The following PSAP variants were observed in gnomAD, a reference collection of about 807,000 sequenced individuals.
PSAP encodes the protein prosaposin.
In PSAP, 25 loss-of-function variants were observed where a neutral mutation model predicts 66.0. The observed-to-expected ratio is 0.38, with a 90% CI of 0.28 to 0.53. The LOEUF (loss-of-function observed/expected upper bound fraction) is 0.53, where lower values mean the gene tolerates loss of function less well. PSAP is among the 20% of genes least tolerant of loss of function. The probability of loss-of-function intolerance (pLI) is 0.83; values close to 1 mark genes in which losing one functional copy is unlikely to be tolerated. For missense variants in PSAP, 649 were observed against 668.8 expected (o/e 0.97, Z 0.33); for synonymous variants, 273 against 258.9 (o/e 1.05, Z -0.52).
At chr10:71,829,124 A>G (rs1842461488) in intron 4 of PSAP, 47 bp from the exon 5 acceptor site, 1 of 1,557,048 alleles carries the variant, frequency 6.4e-7, no homozygotes, top group Non-Finnish European at 8.8e-7. Flanking sequence ...TCCCCAGGGG[A>G]AAATAAGACA....
At chr10:71,831,825 T>A in intron 3 of PSAP, 21 bp downstream of exon 3, 1 of 1,612,806 alleles carries the variant, frequency 6.2e-7, no homozygotes, top group South Asian at 1.1e-5. Context: ...TCAAGCACCA[T>A]CCCCACTCAC....
chr10:71,821,864 G>A lies in PSAP; in HGVS notation c.909+12C>T, dbSNP rs1842305841. On this transcript the variant is annotated intron_variant, in intron 8 of 13. Transcript: ENST00000394936. ...CACAGCCCTGACCAGGACACAAAGT[G>A]ACACCAGGTACCTTAATGGGCTCCA... 1.2e-6 allele frequency: 2 copies of A among 1,614,152 alleles called. No individual in the cohort carries two copies. Among genetic ancestry groups the A allele is most frequent in the Non-Finnish European group, 8.5e-7 (1 of 1,180,012 alleles).
At chr10:71,830,258 A>C (rs1190726348) in intron 4 of PSAP, among the ~76,000 whole-genome samples, 1 of 152,076 alleles carries the variant, frequency 6.6e-6, no homozygotes, top group Non-Finnish European at 1.5e-5. Context: ...AACCAGGGAG[A>C]CATTTATAGC....
At chr10:71,843,237 T>G (rs1842760345) in intron 1 of PSAP, among the ~76,000 whole-genome samples, 1 of 151,838 alleles carries the variant, frequency 6.6e-6, no homozygotes, top group Admixed American at 6.6e-5. Context: ...GAATTCAAAA[T>G]GGAAAATCTC....
rs144042454 is a variant in PSAP at position 71,819,519 on chromosome 10, G to C, written c.1296C>G (p.Ile432Met). 6.2e-6 allele frequency: 10 copies of C among 1,614,218 alleles called. No individual in the cohort carries two copies. The Admixed American group carries it at 1.5e-4, about 24-fold the overall frequency. ...TGCAGCCTTTCTCAAGAGCAGCCAG[G>C]ATCTCCTGCTTGGTGCTGTTTTTCT... The part of the protein sequence containing the change: ...NLEKNSTKQE[I>M]LAALEKGCSF... The change falls in exon 11 of 14, where the codon ATC (isoleucine) becomes ATG (methionine). Residue 432 changes from isoleucine (I) to methionine (M), a missense_variant. Physicochemically the swap from Ile to Met is conservative, Grantham distance 10. Transcript: ENST00000394936.
At chr10:71,818,487 G>C (rs1842220797) in intron 13 of PSAP, 130 bp downstream of exon 13, 1 of 862,512 alleles carries the variant, frequency 1.2e-6, no homozygotes, top group Non-Finnish European at 2.0e-6. Context: ...CCACCTCTCT[G>C]GGCCTCAGCT....
chr10:71,838,724 C>A (rs910367654), intron 1 of PSAP, among the ~76,000 whole-genome samples: 2 of 152,120 alleles, frequency 1.3e-5, no homozygotes, highest in African/African-American at 4.8e-5. Flanking sequence ...CCACTGCACT[C>A]CAGCCTGGGC....
At chr10:71,818,490 C>T (rs1285971302) in intron 13 of PSAP, 127 bp downstream of exon 13, 8 of 876,892 alleles carry the variant, frequency 9.1e-6, no homozygotes, top group African/African-American at 3.3e-5. Context: ...CCTCTCTGGG[C>T]CTCAGCTTTC....
intron 2 of PSAP, 62 bp downstream of exon 2, chr10:71,834,310 A>C (rs1842578670): frequency 6.2e-7 from 1 of 1,608,848 alleles, no homozygotes; most frequent in South Asian, 1.1e-5. Context: ...AGTGAGTTAC[A>C]GCTGTTCTAA....
chr10:71,827,960 C>A, intron 6 of PSAP, 54 bp downstream of exon 6: 8 of 1,611,202 alleles, frequency 5.0e-6, no homozygotes, highest in Non-Finnish European at 6.8e-6. Flanking sequence ...CCAGCCTCCA[C>A]AGCCCAACTC....
intron 8 of PSAP, among the ~76,000 whole-genome samples, chr10:71,821,282 T>C (rs1842296421): frequency 1.3e-5 from 2 of 152,224 alleles, no homozygotes; most frequent in African/African-American, 2.4e-5. Context: ...AGCCCAGGCC[T>C]TGAAGAACTA....
chr10:71,821,880 A>G lies in PSAP; in HGVS notation c.905T>C (p.Ile302Thr). 1 of 1,614,174 alleles carries G rather than the reference A, an allele frequency of 6.2e-7. No individual in the cohort carries two copies. The highest frequency in any genetic ancestry group is 2.2e-5 in the East Asian group (1 of 44,880). ...VIPALELVEPIKKHEVPAKSD... is the reference protein window; with the variant it reads ...VIPALELVEPTKKHEVPAKSD... ...ACACAAAGTGACACCAGGTACCTTA[A>G]TGGGCTCCACCAGTTCCAGGGCAGG... Residue 302 changes from isoleucine (I) to threonine (T), a missense_variant, in exon 8 of 14, where the codon ATT (isoleucine) becomes ACT (threonine). Transcript: ENST00000394936.
intron 1 of PSAP, among the ~76,000 whole-genome samples, chr10:71,836,055 C>A (rs566690058): frequency 6.6e-6 from 1 of 152,268 alleles, no homozygotes; most frequent in African/African-American, 2.4e-5. Context: ...CTGAGTCCCA[C>A]AAAGCTCGAG....
rs150521779 is a variant in PSAP at position 71,828,097 on chromosome 10, G to A, written c.637C>T (p.Arg213Trp). 76 of 1,614,128 alleles carry A rather than the reference G, an allele frequency of 4.7e-5. No individual in the cohort carries two copies. The highest frequency in any genetic ancestry group is 4.5e-5 in the East Asian group (2 of 44,882). Residue 213 changes from arginine (R) to tryptophan (W), a missense_variant, in exon 6 of 14, where the codon CGG (arginine) becomes TGG (tryptophan). Arg to Trp is a moderately radical substitution (Grantham distance 101, BLOSUM62 -3). Coordinates refer to ENST00000394936, the MANE Select transcript of PSAP (RefSeq NM_002778.4). ...QMVTDIQTAV[R>W]TNSTFVQALV... is the part of the protein sequence containing the mutation. ...GCCTGGACAAAGGTGGAGTTGGTCCGTACAGCAGTCTGGATGTCAGTCACC... is the reference window on the plus strand; with the variant it reads ...GCCTGGACAAAGGTGGAGTTGGTCCATACAGCAGTCTGGATGTCAGTCACC...
intron 1 of PSAP, among the ~76,000 whole-genome samples, chr10:71,850,185 C>T (rs1383163484): frequency 6.6e-6 from 1 of 152,174 alleles, no homozygotes; most frequent in African/African-American, 2.4e-5. Context: ...GTTTTCCTTC[C>T]TTCCTCTCCA....
intron 7 of PSAP, among the ~76,000 whole-genome samples, chr10:71,823,058 G>A (rs557444904): frequency 3.3e-5 from 5 of 151,400 alleles, no homozygotes; most frequent in African/African-American, 4.8e-5. Context: ...GGCTGCTTCT[G>A]CCTCGATCAG....
chr10:71,829,459 G>A (rs1180607061), intron 4 of PSAP, among the ~76,000 whole-genome samples: 1 of 152,136 alleles, frequency 6.6e-6, no homozygotes, highest in African/African-American at 2.4e-5. Flanking sequence ...TGATCTGATG[G>A]TTTTATAAAG....
At chr10:71,821,084 C>T (rs569205288) in intron 8 of PSAP, among the ~76,000 whole-genome samples, 7 of 152,326 alleles carry the variant, frequency 4.6e-5, no homozygotes, top group Admixed American at 6.5e-5. Flanking sequence ...GAGGAGCACC[C>T]GGTGGAGAGG....
chr10:71,845,915 CTAAT>C (rs1354181188), intron 1 of PSAP, among the ~76,000 whole-genome samples: 1 of 152,186 alleles, frequency 6.6e-6, no homozygotes, highest in Admixed American at 6.5e-5. Flanking sequence ...TCCTGACTCA[CTAAT>C]TATACCCAGC....
Sources: allele counts gnomAD v4.1 joint callset (sites outside exome capture counted in the v4.1 genomes callset), GRCh38; gene constraint gnomAD v4.1.1; transcripts MANE v1.5; gene names NCBI Gene and HGNC (gene_info 2026-07-23, HGNC 2026-07-21).